ABLIM1: variants seen among roughly 807,000 people sequenced by gnomAD.
ABLIM1 encodes the protein actin-binding LIM protein 1.
In ABLIM1, 40 loss-of-function variants were observed where a neutral mutation model predicts 107.0. That is an observed-to-expected ratio of 0.37 (90% confidence interval 0.29 to 0.49). ABLIM1 has a LOEUF of 0.49. Ranked by LOEUF, ABLIM1 falls within the 20% of genes least tolerant of loss-of-function variation. The pLI is 0.97. For synonymous variants in ABLIM1, 357 were observed against 357.3 expected, an observed-to-expected ratio of 1.00 and a Z score of 0.01; for missense variants, 857 against 1,008.5, an observed-to-expected ratio of 0.85 and a Z score of 2.04.
chr10:114,583,136 A>C (rs2073615489), intron 2 of ABLIM1, among the ~76,000 whole-genome samples: 1 of 151,860 alleles, frequency 6.6e-6, no homozygotes, highest in African/African-American at 2.4e-5. Flanking sequence ...TATTATACAG[A>C]ATCTATAAGG....
intron 1 of ABLIM1, among the ~76,000 whole-genome samples, chr10:114,675,210 T>C (rs574865306): frequency 1.3e-5 from 2 of 152,250 alleles, no homozygotes; most frequent in South Asian, 2.1e-4. Flanking sequence ...AGCTGAAGCC[T>C]ACATTACAAT....
intron 1 of ABLIM1, among the ~76,000 whole-genome samples, chr10:114,751,530 T>C (rs1209174344): frequency 6.6e-6 from 1 of 151,702 alleles, no homozygotes; most frequent in African/African-American, 2.4e-5. Flanking sequence ...AGGCGGCAGA[T>C]CACGATGCCA....
At chr10:114,780,456 T>C in the ABLIM1 span, among the ~76,000 whole-genome samples, 4 of 152,108 alleles carry the variant, frequency 2.6e-5, no homozygotes, top group African/African-American at 9.7e-5. Flanking sequence ...GAACAAAAAG[T>C]GGATTAGTCA....
intron 1 of ABLIM1, among the ~76,000 whole-genome samples, chr10:114,644,624 A>G (rs145177690): frequency 6.6e-6 from 1 of 152,096 alleles, no homozygotes; most frequent in Non-Finnish European, 1.5e-5. Context: ...GGTTGTTAGC[A>G]GACACTGGAT....
chr10:114,455,911 C>T lies in ABLIM1; in HGVS notation c.1442-2428G>A, dbSNP rs1207753213. Among the ~76,000 whole-genome samples, 3 of 150,940 alleles carry T rather than the reference C, an allele frequency of 2.0e-5. No individual in the cohort carries two copies. The Admixed American group carries it at 2.0e-4, about 10-fold the overall frequency. ...CACTGCAAGCTCCGCCTCCTGGGTTCACGCCATTCTCCCGCCTCACCCTCC... is the reference window on the plus strand; with the variant it reads ...CACTGCAAGCTCCGCCTCCTGGGTTTACGCCATTCTCCCGCCTCACCCTCC... On this transcript the variant is annotated intron_variant, in intron 12 of 22. Coordinates refer to ENST00000533213, the MANE Select transcript of ABLIM1 (RefSeq NM_002313.7).
At chr10:114,461,393 GT>G (rs11297952) in intron 12 of ABLIM1, among the ~76,000 whole-genome samples, 52,549 of 140,560 alleles carry the variant, frequency 0.37, 10,074 homozygotes, top group African/African-American at 0.53. Flanking sequence ...CAACTGAAGG[GT>G]TTTTTTTTTT....
intron 1 of ABLIM1, among the ~76,000 whole-genome samples, chr10:114,624,871 G>A (rs1394606507): frequency 6.6e-6 from 1 of 151,662 alleles, no homozygotes; most frequent in Admixed American, 6.6e-5. Context: ...ACACTTCCTG[G>A]TAAGAGTAAC....
chr10:114,463,047 T>C (rs1410683456), intron 12 of ABLIM1: 15 of 1,336,232 alleles, frequency 1.1e-5, no homozygotes, highest in Non-Finnish European at 1.2e-5. Flanking sequence ...CTCCTTACCT[T>C]TGATATGGGG....
At chr10:114,756,959 C>A (rs772053216) in intron 1 of ABLIM1, among the ~76,000 whole-genome samples, 3 of 152,116 alleles carry the variant, frequency 2.0e-5, no homozygotes, top group Non-Finnish European at 2.9e-5. Flanking sequence ...AGGAAAGGAG[C>A]TAGGATCCCC....
At chr10:114,611,151 CAAA>C (rs71007482) in intron 1 of ABLIM1, among the ~76,000 whole-genome samples, 2 of 135,490 alleles carry the variant, frequency 1.5e-5, no homozygotes, top group Non-Finnish European at 1.6e-5. Context: ...GACTCCATCT[CAAA>C]AAAAAAAAAA....
chr10:114,558,081 C>G (rs1484020404), intron 4 of ABLIM1, among the ~76,000 whole-genome samples: 1 of 152,124 alleles, frequency 6.6e-6, no homozygotes, highest in Non-Finnish European at 1.5e-5. Context: ...TCTTCCTTGG[C>G]AATAATTGTT....
intron 1 of ABLIM1, among the ~76,000 whole-genome samples, chr10:114,710,889 C>A (rs527591400): frequency 6.6e-6 from 1 of 152,354 alleles, no homozygotes; most frequent in East Asian, 1.9e-4. Context: ...GTGTTCCATT[C>A]GATCAGTAGA....
intron 1 of ABLIM1, chr10:114,631,826 C>G (rs897243917): frequency 1.6e-6 from 2 of 1,285,198 alleles, no homozygotes; most frequent in African/African-American, 1.5e-5. Flanking sequence ...ATTGATCATT[C>G]CCCGTTAGGT....
In ABLIM1 at chr10:114,432,549, G is replaced by A. The variant is rs1035374969; in HGVS notation, c.*3711C>T. On this transcript the variant is annotated 3_prime_UTR_variant, in exon 23 of 23. Transcript: ENST00000533213. The stretch of plus-strand genomic sequence containing the variant: ...TACATTTGATATCATCATCTGAGAA[G>A]CAATTCTTAGAAAAAAATGTTTGCT... The A allele has an allele frequency of 6.6e-5, 10 of 152,184 alleles. No individual in the cohort carries two copies. Among genetic ancestry groups the A allele is most frequent in the African/African-American group, 2.4e-4 (10 of 41,436 alleles). The allele number at this position is 152,184 out of a possible 1,614,324, so 9.4% of individuals were successfully genotyped here.
At chr10:114,580,700 T>C (rs1189883570) in intron 2 of ABLIM1, among the ~76,000 whole-genome samples, 2 of 152,252 alleles carry the variant, frequency 1.3e-5, no homozygotes, top group Admixed American at 1.3e-4. Context: ...ACATTATTTT[T>C]TTTTAACAAA....
intron 1 of ABLIM1, among the ~76,000 whole-genome samples, chr10:114,704,343 G>A (rs1314955616): frequency 1.5e-4 from 14 of 95,650 alleles, no homozygotes; most frequent in African/African-American, 2.3e-4. Context: ...TATTGCGCGC[G>A]TTACATCTGT....
chr10:114,674,708 C>CTTT (rs74409388), intron 1 of ABLIM1, among the ~76,000 whole-genome samples: 3 of 133,806 alleles, frequency 2.2e-5, no homozygotes, highest in South Asian at 2.4e-4. Context: ...AATTGTTATT[C>CTTT]TTTTTTTTTT....
At chr10:114,557,933 AC>A (rs1440619028) in intron 4 of ABLIM1, among the ~76,000 whole-genome samples, 1 of 149,698 alleles carries the variant, frequency 6.7e-6, no homozygotes, top group Non-Finnish European at 1.5e-5. Context: ...TTGCTTCCTT[AC>A]CCCCTCCTTA....
chr10:114,568,634 C>CCA (rs1450856646), intron 4 of ABLIM1, among the ~76,000 whole-genome samples: 1 of 151,772 alleles, frequency 6.6e-6, no homozygotes, highest in African/African-American at 2.4e-5. Context: ...TTATAGACAC[C>CCA]CACACACACC....
Sources: allele counts gnomAD v4.1 joint callset (sites outside exome capture counted in the v4.1 genomes callset), GRCh38; gene constraint gnomAD v4.1.1; transcripts MANE v1.5; gene names NCBI Gene and HGNC (gene_info 2026-07-23, HGNC 2026-07-21).